Variants in EXOC2 observed in about 807,000 individuals in gnomAD.
The protein encoded by EXOC2 is SEC5-like 1.
A neutral mutation model predicts 131.8 loss-of-function variants in EXOC2; 70 were observed. The observed-to-expected ratio is 0.53, with a 90% CI of 0.44 to 0.65. The LOEUF is 0.65. Among genes scored for constraint, EXOC2 ranks in the 30% least tolerant of loss-of-function variants. EXOC2 has a pLI of 0.00. For missense variants in EXOC2, 923 were observed against 1,108.6 expected (o/e 0.83, Z 2.38); for synonymous variants, 411 against 398.4 (o/e 1.03, Z -0.38).
chr6:625,461 T>A (rs1448947695), intron 4 of EXOC2, among the ~76,000 whole-genome samples: 7 of 152,136 alleles, frequency 4.6e-5, no homozygotes, highest in Non-Finnish European at 1.0e-4. Context: ...TAGCTTTCAA[T>A]TTTTACCAAC....
chr6:646,031 C>CTA (rs1240305084), intron 1 of EXOC2, among the ~76,000 whole-genome samples: 1 of 152,170 alleles, frequency 6.6e-6, no homozygotes, highest in Non-Finnish European at 1.5e-5. Flanking sequence ...TATGGAATGC[C>CTA]TATCAATTTG....
At chr6:531,768 C>T (rs944718219) in intron 23 of EXOC2, among the ~76,000 whole-genome samples, 1 of 152,234 alleles carries the variant, frequency 6.6e-6, no homozygotes, top group Non-Finnish European at 1.5e-5. Flanking sequence ...ACCAGCATGA[C>T]CACTTCTACA....
At chr6:623,322 C>G (rs1761389690) in intron 4 of EXOC2, among the ~76,000 whole-genome samples, 1 of 152,202 alleles carries the variant, frequency 6.6e-6, no homozygotes, top group South Asian at 2.1e-4. Context: ...TGAACTGGGC[C>G]AGGTACAATT....
intron 25 of EXOC2, among the ~76,000 whole-genome samples, chr6:495,277 C>T (rs928800787): frequency 3.3e-5 from 5 of 152,040 alleles, no homozygotes; most frequent in African/African-American, 1.2e-4. Flanking sequence ...AGGCGCCCGC[C>T]ACCGCGCCCG....
chr6:627,395 C>A (rs946328270), intron 4 of EXOC2, among the ~76,000 whole-genome samples: 3 of 152,060 alleles, frequency 2.0e-5, no homozygotes, highest in Non-Finnish European at 4.4e-5. Flanking sequence ...TTTTGAAAGT[C>A]TTTTGCCAAA....
chr6:526,432 A>ATTTTTTTTTTT (rs70985804), intron 23 of EXOC2, among the ~76,000 whole-genome samples: 1 of 76,006 alleles, frequency 1.3e-5, no homozygotes, highest in African/African-American at 5.2e-5. Flanking sequence ...TTCTTTGTGG[A>ATTTTTTTTTTT]TTTTTTTTTT....
chr6:500,388 G>T (rs1763974639), intron 23 of EXOC2, among the ~76,000 whole-genome samples: 1 of 152,188 alleles, frequency 6.6e-6, no homozygotes, highest in Admixed American at 6.5e-5. Flanking sequence ...AAACACACAG[G>T]ATTTAAGAAT....
intron 1 of EXOC2, among the ~76,000 whole-genome samples, chr6:682,195 GTTTCT>G (rs1764434644): frequency 7.3e-6 from 1 of 137,478 alleles, no homozygotes; most frequent in African/African-American, 2.8e-5. Flanking sequence ...ATATTTCCCA[GTTTCT>G]TTTTTTTTTT....
chr6:489,741 G>A (rs1034172064), intron 26 of EXOC2, among the ~76,000 whole-genome samples: 1 of 152,220 alleles, frequency 6.6e-6, no homozygotes, highest in Non-Finnish European at 1.5e-5. Flanking sequence ...TCTTATGATT[G>A]GTTAAGGTGA....
intron 1 of EXOC2, chr6:657,261 T>C (rs1487343695): frequency 4.0e-6 from 1 of 252,200 alleles, no homozygotes; most frequent in Non-Finnish European, 7.5e-6. Flanking sequence ...CTAAACACAA[T>C]GAAGACAAAA....
chr6:514,117 G>C (rs1561802868), intron 23 of EXOC2, among the ~76,000 whole-genome samples: 2 of 152,160 alleles, frequency 1.3e-5, no homozygotes, highest in Non-Finnish European at 2.9e-5. Context: ...AGTTTCCTTG[G>C]CTGTAAAAGA....
intron 1 of EXOC2, among the ~76,000 whole-genome samples, chr6:649,011 C>A (rs1484278983): frequency 6.6e-6 from 1 of 152,110 alleles, no homozygotes; most frequent in African/African-American, 2.4e-5. Flanking sequence ...CTGCACTGGG[C>A]CCTAACTCTT....
At chr6:536,038 A>G (rs565521585) in intron 22 of EXOC2, among the ~76,000 whole-genome samples, 2 of 152,322 alleles carry the variant, frequency 1.3e-5, no homozygotes, top group South Asian at 4.1e-4. Context: ...GACTAGAAAG[A>G]AAATCAGCTG....
chr6:639,257 G>C (rs927395807), intron 1 of EXOC2, among the ~76,000 whole-genome samples: 5 of 152,148 alleles, frequency 3.3e-5, no homozygotes, highest in Non-Finnish European at 1.5e-5. Flanking sequence ...GACTCAGGCT[G>C]CCTCCCTTCT....
In EXOC2 at chr6:486,442, A is replaced by G; in HGVS notation, c.*229T>C. The stretch of plus-strand genomic sequence containing the variant: ...AAATATATTTTAAAATGTATTTTAA[A>G]GTCATACAGGATCTGATCTAGTAAG... On this transcript the variant is annotated 3_prime_UTR_variant, in exon 28 of 28. Transcript: ENST00000230449. The G allele has an allele frequency of 2.3e-6, 1 of 430,330 alleles. No individual in the cohort carries two copies. The highest frequency in any genetic ancestry group is 5.8e-5 in the South Asian group (1 of 17,242). The allele number at this position is 430,330 out of a possible 1,614,324, so 26.7% of individuals were successfully genotyped here. A position where few individuals can be genotyped will look rare whatever the true frequency, so the allele number is the denominator to read the frequency against.
chr6:622,673 G>A (rs1228466326), intron 4 of EXOC2, among the ~76,000 whole-genome samples: 3 of 152,122 alleles, frequency 2.0e-5, no homozygotes, highest in African/African-American at 4.8e-5. Context: ...CATACTCCAC[G>A]TGTTTAGCCA....
At chr6:524,105 AAAGT>A (rs1765623124) in intron 23 of EXOC2, 1 of 152,178 alleles carries the variant, frequency 6.6e-6, no homozygotes, top group South Asian at 2.1e-4. Context: ...TATTGATAGA[AAAGT>A]AAGAGCAATA....
At chr6:635,622 C>G (rs963188126) in intron 2 of EXOC2, among the ~76,000 whole-genome samples, 2 of 152,010 alleles carry the variant, frequency 1.3e-5, no homozygotes, top group African/African-American at 4.8e-5. Context: ...AAGTAAAGTA[C>G]TTTTTATAGT....
intron 12 of EXOC2, among the ~76,000 whole-genome samples, chr6:576,410 T>C (rs957246500): frequency 6.6e-6 from 1 of 152,238 alleles, no homozygotes; most frequent in Non-Finnish European, 1.5e-5. Context: ...ATACTGATAC[T>C]ACTTTTATCG....
Sources: allele counts gnomAD v4.1 joint callset (sites outside exome capture counted in the v4.1 genomes callset), GRCh38; gene constraint gnomAD v4.1.1; transcripts MANE v1.5; gene names NCBI Gene and HGNC (gene_info 2026-07-23, HGNC 2026-07-21).